The following IPCEF1 variants were observed in gnomAD, a reference collection of about 807,000 sequenced individuals.
IPCEF1 encodes interaction protein for cytohesin exchange factors 1.
IPCEF1 carries 31 observed loss-of-function variants against 50.9 expected under a neutral mutation model. That is an observed-to-expected ratio of 0.61 (90% confidence interval 0.46 to 0.82). The LOEUF (loss-of-function observed/expected upper bound fraction) is 0.82, where lower values mean the gene tolerates loss of function less well. Among genes scored for constraint, IPCEF1 ranks in the 40% least tolerant of loss-of-function variants. The pLI is 0.00. For synonymous variants in IPCEF1, 181 were observed against 192.0 expected (o/e 0.94, Z 0.47); for missense variants, 458 against 514.0 (o/e 0.89, Z 1.05).
chr6:154,224,715 A>AAAAC (rs1232032081), intron 5 of IPCEF1, among the ~76,000 whole-genome samples: 1 of 152,280 alleles, frequency 6.6e-6, no homozygotes, highest in African/African-American at 2.4e-5. Flanking sequence ...TGTCTTAAAA[A>AAAAC]AAACAAACAA....
intron 2 of IPCEF1, among the ~76,000 whole-genome samples, chr6:154,274,676 A>G (rs765530321): frequency 6.6e-6 from 1 of 152,062 alleles, no homozygotes; most frequent in Non-Finnish European, 1.5e-5. Context: ...CTGAACCTGA[A>G]ACTTCTAAAA....
At chr6:154,354,447 CACCACCTCCACCATCTCCTCCACA>C (rs1304820367) in intron 1 of IPCEF1, among the ~76,000 whole-genome samples, 29 of 126,274 alleles carry the variant, frequency 2.3e-4, no homozygotes, top group South Asian at 5.2e-4. Flanking sequence ...TCTCCTCCAC[CACCACCTCCACCATCTCCTCCACA>C]ACCACCTCCA....
At chr6:154,235,431 CT>C (rs752203037) in intron 5 of IPCEF1, among the ~76,000 whole-genome samples, 55 of 149,716 alleles carry the variant, frequency 3.7e-4, no homozygotes, top group Non-Finnish European at 6.0e-4. Context: ...ACTCGAGAGG[CT>C]GAGCAGGAGA....
chr6:154,200,588 G>A (rs182989181), intron 9 of IPCEF1, among the ~76,000 whole-genome samples: 2 of 152,162 alleles, frequency 1.3e-5, no homozygotes, highest in African/African-American at 2.4e-5. Flanking sequence ...TGGCTTGGTG[G>A]CGCGCACCTG....
In IPCEF1 at chr6:154,331,407, G is replaced by GAAAGAAAGAAAGAAAGAAAGAA. The variant is rs1554225595; in HGVS notation, c.-62+25264_-62+25265insTTCTTTCTTTCTTTCTTTCTTT. Among the ~76,000 whole-genome samples, 826 of 130,950 alleles carry GAAAGAAAGAAAGAAAGAAAGAA rather than the reference G, an allele frequency of 6.3e-3. 10 individuals carry two copies. The highest frequency in any genetic ancestry group is 0.017 in the African/African-American group (590 of 33,824). The allele number at this position is 130,950 out of a possible 152,430, so 85.9% of individuals were successfully genotyped here. On this transcript the variant is annotated intron_variant, in intron 1 of 11. Coordinates refer to ENST00000367220, the MANE Select transcript of IPCEF1 (RefSeq NM_001130700.2). Reference sequence around the variant, plus strand: ...AGAAAGAAAGAAAGAAAGAAAGAAAGAGAGAGAAAAAGAAAGAGAGAGAGA... The same window carrying GAAAGAAAGAAAGAAAGAAAGAA: ...AGAAAGAAAGAAAGAAAGAAAGAAAGAAAGAAAGAAAGAAAGAAAGAAAGAGAGAAAAAGAAAGAGAGAGAGA...
At chr6:154,286,249 G>C (rs1330275140) in intron 2 of IPCEF1, among the ~76,000 whole-genome samples, 1 of 152,104 alleles carries the variant, frequency 6.6e-6, no homozygotes, top group Non-Finnish European at 1.5e-5. Flanking sequence ...ATGCATGTGG[G>C]GCTTAAAACC....
At chr6:154,265,683 A>G (rs946623421) in intron 3 of IPCEF1, among the ~76,000 whole-genome samples, 7 of 152,198 alleles carry the variant, frequency 4.6e-5, no homozygotes, top group African/African-American at 1.4e-4. Flanking sequence ...GATGTACAGT[A>G]TATTAAAACC....
chr6:154,295,865 ACG>A (rs1232429072), intron 1 of IPCEF1, among the ~76,000 whole-genome samples: 5 of 88,476 alleles, frequency 5.7e-5, no homozygotes, highest in African/African-American at 1.8e-4. Context: ...ACATGTGCAC[ACG>A]CACACACACA....
chr6:154,305,375 G>A (rs1235825885), intron 1 of IPCEF1, among the ~76,000 whole-genome samples: 2 of 152,080 alleles, frequency 1.3e-5, no homozygotes, highest in Non-Finnish European at 2.9e-5. Flanking sequence ...CATTTCCACA[G>A]CAATCTTTCA....
At chr6:154,191,774 A>C (rs765795799) in intron 10 of IPCEF1, among the ~76,000 whole-genome samples, 5 of 152,210 alleles carry the variant, frequency 3.3e-5, no homozygotes, top group Non-Finnish European at 5.9e-5. Flanking sequence ...ATTTATTGCC[A>C]GTTGTAACAA....
At position 154,349,642 on chromosome 6, in the gene IPCEF1, G is replaced by C. The variant is rs574068259; in HGVS notation, c.-62+7030C>G. On this transcript the variant is annotated intron_variant, in intron 1 of 11. Coordinates refer to ENST00000367220, the MANE Select transcript of IPCEF1 (RefSeq NM_001130700.2). Reference sequence around the variant, plus strand: ...ATATATGTACATTTGCCTATAAGTAGTTAAATGTTCTATTCCTCTCTGGCG... The same window carrying C: ...ATATATGTACATTTGCCTATAAGTACTTAAATGTTCTATTCCTCTCTGGCG... Among the ~76,000 whole-genome samples the C allele has an allele frequency of 1.5e-3, 235 of 152,128 alleles. 3 individuals are homozygous for C. Among genetic ancestry groups the C allele is most frequent in the Non-Finnish European group, 3.8e-4 (26 of 68,002 alleles).
chr6:154,218,159 T>C lies in IPCEF1; in HGVS notation c.392+3098A>G, dbSNP rs537417367. On this transcript the variant is annotated intron_variant, in intron 7 of 11. Transcript: ENST00000367220. ...GTAGATGGATGCACTAAAGGACTTA[T>C]ATTTACATAAAAGAAAATGACAGAT... is the stretch of plus-strand genomic sequence containing the variant. 1.8e-3 allele frequency among the ~76,000 whole-genome samples: 275 copies of C among 152,368 alleles called. 2 individuals carry two copies. Among genetic ancestry groups the C allele is most frequent in the African/African-American group, 6.2e-3 (259 of 41,592 alleles).
intron 1 of IPCEF1, among the ~76,000 whole-genome samples, chr6:154,304,445 A>G (rs1176059733): frequency 1.3e-5 from 2 of 152,116 alleles, no homozygotes. Flanking sequence ...CTTAGCATGA[A>G]TTATTACAGG....
At chr6:154,192,318 C>CTGTGTGTTTGTGTGTGTGTG (rs374502866) in intron 10 of IPCEF1, among the ~76,000 whole-genome samples, 4 of 148,134 alleles carry the variant, frequency 2.7e-5, no homozygotes, top group African/African-American at 7.5e-5. Flanking sequence ...CACGTGGTTA[C>CTGTGTGTTTGTGTGTGTGTG]TGTGTGTGTG....
At chr6:154,249,722 T>C (rs1290714222) in intron 3 of IPCEF1, among the ~76,000 whole-genome samples, 3 of 152,092 alleles carry the variant, frequency 2.0e-5, no homozygotes, top group Non-Finnish European at 4.4e-5. Context: ...CACCCATTCC[T>C]TGTGAGCACC....
At chr6:154,181,534 T>C (rs1031617456) in intron 10 of IPCEF1, among the ~76,000 whole-genome samples, 1 of 152,208 alleles carries the variant, frequency 6.6e-6, no homozygotes, top group Admixed American at 6.5e-5. Context: ...TTCTTTTGAA[T>C]GAAAGTCAGT....
intron 11 of IPCEF1, among the ~76,000 whole-genome samples, chr6:154,161,407 C>T (rs900926734): frequency 5.9e-5 from 9 of 152,082 alleles, no homozygotes; most frequent in East Asian, 1.9e-4. Context: ...GATGGGGTTT[C>T]GCCATGTTGA....
At chr6:154,169,230 G>A (rs1799679143) in intron 10 of IPCEF1, among the ~76,000 whole-genome samples, 1 of 152,068 alleles carries the variant, frequency 6.6e-6, no homozygotes, top group African/African-American at 2.4e-5. Flanking sequence ...GTGTGGTGGT[G>A]CGTGCCTGTC....
At chr6:154,253,926 G>A (rs371858395) in intron 3 of IPCEF1, among the ~76,000 whole-genome samples, 1 of 151,872 alleles carries the variant, frequency 6.6e-6, no homozygotes, top group Non-Finnish European at 1.5e-5. Context: ...CCAGCTCCTA[G>A]AGGTGATGTA....
Sources: allele counts gnomAD v4.1 joint callset (sites outside exome capture counted in the v4.1 genomes callset), GRCh38; gene constraint gnomAD v4.1.1; transcripts MANE v1.5; gene names NCBI Gene and HGNC (gene_info 2026-07-23, HGNC 2026-07-21).